PCDHGB3: variants seen among roughly 807,000 people sequenced by gnomAD.
The protein encoded by PCDHGB3 is protocadherin gamma subfamily B, 3.
In PCDHGB3, 40 loss-of-function variants were observed where a neutral mutation model predicts 59.2. The observed-to-expected ratio is 0.68, with a 90% CI of 0.52 to 0.88. PCDHGB3 has a LOEUF of 0.88. PCDHGB3 is among the 40% of genes least tolerant of loss of function. The probability of loss-of-function intolerance (pLI) is 0.00; values close to 1 mark genes in which losing one functional copy is unlikely to be tolerated. For synonymous variants in PCDHGB3, 581 were observed against 503.6 expected, an observed-to-expected ratio of 1.15 and a Z score of -2.06; for missense variants, 1,309 against 1,187.9, an observed-to-expected ratio of 1.10 and a Z score of -1.50.
In PCDHGB3 at chr5:141,372,255, C is replaced by T. The variant is rs1309371884; in HGVS notation, c.1861C>T (p.Leu621=). 3.7e-6 allele frequency: 6 copies of T among 1,613,018 alleles called. No individual in the cohort carries two copies. The East Asian group carries it at 1.1e-4, about 30-fold the overall frequency. Residue 621 remains leucine, a synonymous_variant, in exon 1 of 4, where the codon CTG becomes TTG. Coordinates refer to ENST00000576222, the MANE Select transcript of PCDHGB3 (RefSeq NM_018924.5). ...CGAGCCCGGGCTGTTCAGCCTGGGCCTGCGCACGGGTGAGGTGCGCACGGC... is the reference window on the plus strand; with the variant it reads ...CGAGCCCGGGCTGTTCAGCCTGGGCTTGCGCACGGGTGAGGTGCGCACGGC... ...ASEPGLFSLG[L]RTGEVRTART...
At chr5:141,379,481 A>G (rs969144576) in intron 1 of PCDHGB3, 6 of 152,256 alleles carry the variant, frequency 3.9e-5, no homozygotes, top group Non-Finnish European at 5.9e-5. Context: ...ATGTTATTTT[A>G]CTATACTACC....
Position 141,490,749 on chromosome 5 carries a change from C to T in PCDHGB3, c.2416-4058C>T, listed in dbSNP as rs777124697. 3.1e-6 allele frequency: 5 copies of T among 1,614,098 alleles called. No individual in the cohort carries two copies. The South Asian group carries it at 5.5e-5, about 18-fold the overall frequency. ...GAAATCAGGTTCAGGGAGCCCCAGC[C>T]TCCTCCTTTGTGTATGTCAACCCAG... On this transcript the variant is annotated intron_variant, in intron 1 of 3. Coordinates refer to ENST00000576222, the MANE Select transcript of PCDHGB3 (RefSeq NM_018924.5). The surrounding 1 kb of genome is among the most constrained non-coding windows in gnomAD (Gnocchi z 5.4).
At chr5:141,422,344 C>A in intron 1 of PCDHGB3, 1 of 1,550,890 alleles carries the variant, frequency 6.4e-7, no homozygotes, top group Non-Finnish European at 8.7e-7. Flanking sequence ...TCTAAATGTG[C>A]AAGATCAAGA....
chr5:141,382,530 G>A (rs1043069134), intron 1 of PCDHGB3, among the ~76,000 whole-genome samples: 2 of 152,150 alleles, frequency 1.3e-5, no homozygotes, highest in Non-Finnish European at 2.9e-5. Context: ...GTCTTAAAAT[G>A]GATTTTTAAT....
chr5:141,405,494 A>G, intron 1 of PCDHGB3: 1 of 840,532 alleles, frequency 1.2e-6, no homozygotes, highest in Non-Finnish European at 1.8e-6. Context: ...ATCTCGGCTC[A>G]TTGCAACCTC....
At chr5:141,410,748 C>G in intron 1 of PCDHGB3, 1 of 1,245,396 alleles carries the variant, frequency 8.0e-7, no homozygotes, top group Non-Finnish European at 1.1e-6. Flanking sequence ...AATATTTTCT[C>G]AATGTTTTTT....
intron 1 of PCDHGB3, among the ~76,000 whole-genome samples, chr5:141,470,825 C>A (rs557419577): frequency 6.6e-6 from 1 of 152,182 alleles, no homozygotes; most frequent in Admixed American, 6.5e-5. Context: ...GTAGTTAGGA[C>A]GACAAACACA....
At chr5:141,393,265 G>T (rs755014362) in intron 1 of PCDHGB3, 3 of 1,613,904 alleles carry the variant, frequency 1.9e-6, no homozygotes, top group South Asian at 1.1e-5. Flanking sequence ...CCTGGAGCAC[G>T]TTATCCACTC....
At chr5:141,414,899 G>T (rs756810046) in intron 1 of PCDHGB3, 1 of 1,614,182 alleles carries the variant, frequency 6.2e-7, no homozygotes, top group Non-Finnish European at 8.5e-7. Context: ...CCCACAGACG[G>T]TTCCACAGGC....
intron 1 of PCDHGB3, among the ~76,000 whole-genome samples, chr5:141,470,055 G>A (rs1432696943): frequency 1.3e-5 from 2 of 152,192 alleles, no homozygotes; most frequent in Non-Finnish European, 1.5e-5. Context: ...TTTGAACCCC[G>A]GAGGCAGAGA....
Position 141,505,441 on chromosome 5 carries a change from C to A in PCDHGB3, c.2523C>A (p.Asp841Glu), listed in dbSNP as rs2099846055. 6.2e-7 allele frequency: 1 copy of A among 1,614,084 alleles called. No individual in the cohort carries two copies. Among genetic ancestry groups the A allele is most frequent in the Non-Finnish European group, 8.5e-7 (1 of 1,180,024 alleles). Reference sequence around the variant, plus strand: ...GCACCTGGCCCAACAACCAGTTTGACACAGAGATGCTGCAAGCCATGATCT... The same window carrying A: ...GCACCTGGCCCAACAACCAGTTTGAAACAGAGATGCTGCAAGCCATGATCT... ...DTGTWPNNQFDTEMLQAMILA... is the reference protein window; with the variant it reads ...DTGTWPNNQFETEMLQAMILA... Residue 841 changes from aspartate to glutamate, a missense_variant, in exon 3 of 4, where the codon GAC becomes GAA. Transcript: ENST00000576222.
chr5:141,371,971 G>T lies in PCDHGB3; in HGVS notation c.1577G>T (p.Arg526Leu), dbSNP rs372239619. 1.2e-6 allele frequency: 2 copies of T among 1,612,320 alleles called. No individual in the cohort carries two copies. The highest frequency in any genetic ancestry group is 3.3e-5 in the Admixed American group (2 of 59,994). ...AQRAFDHEQLRAFELTLQARD... is the reference protein window; with the variant it reads ...AQRAFDHEQLLAFELTLQARD... The stretch of plus-strand genomic sequence containing the variant: ...CGAGCCTTCGACCACGAGCAGCTGC[G>T]TGCCTTCGAGCTCACTCTGCAGGCC... The change falls in exon 1 of 4, where the codon CGT becomes CTT. Residue 526 changes from arginine (R) to leucine (L), a missense_variant. Transcript: ENST00000576222.
In PCDHGB3 at chr5:141,370,413, T is replaced by C. The variant is rs778967972; in HGVS notation, c.19T>C (p.Trp7Arg). Residue 7 changes from tryptophan to arginine, a missense_variant, in exon 1 of 4, where the codon TGG becomes CGG. Coordinates refer to ENST00000576222, the MANE Select transcript of PCDHGB3 (RefSeq NM_018924.5). ...GAGCGGGATGGGAAATAGCTCCGGATGGAGGGGCCCAGCAGGGCAGAGGCG... is the reference window on the plus strand; with the variant it reads ...GAGCGGGATGGGAAATAGCTCCGGACGGAGGGGCCCAGCAGGGCAGAGGCG... Reference protein sequence around the residue: MGNSSGWRGPAGQRRML... With the variant: MGNSSGRRGPAGQRRML... 1.3e-6 allele frequency: 2 copies of C among 1,567,918 alleles called. No homozygotes were observed. The highest frequency in any genetic ancestry group is 2.4e-5 in the South Asian group (2 of 83,464).
intron 1 of PCDHGB3, chr5:141,376,302 T>C (rs763012052): frequency 1.2e-6 from 2 of 1,614,166 alleles, no homozygotes; most frequent in South Asian, 2.2e-5. Context: ...GGCTCGCACT[T>C]TGTGGGCGTG....
intron 1 of PCDHGB3, among the ~76,000 whole-genome samples, chr5:141,444,402 C>T (rs916833331): frequency 6.6e-6 from 1 of 151,932 alleles, no homozygotes; most frequent in African/African-American, 2.4e-5. Flanking sequence ...AACTCCCAAC[C>T]TCAGGTGATC....
In PCDHGB3 at chr5:141,511,445, A is replaced by G; in HGVS notation, c.*272A>G. ...GGTAGTGGGGTTACTGTAGACACCA[A>G]GAACCATTTGCCACACCCCGTTTAG... On this transcript the variant is annotated 3_prime_UTR_variant, in exon 4 of 4. Coordinates refer to ENST00000576222, the MANE Select transcript of PCDHGB3 (RefSeq NM_018924.5). 4.5e-6 allele frequency: 3 copies of G among 659,774 alleles called. No individual in the cohort carries two copies. Among genetic ancestry groups the G allele is most frequent in the Non-Finnish European group, 4.9e-6 (2 of 412,228 alleles). 40.9% of individuals were successfully genotyped at this position (659,774 alleles called of 1,614,324 possible). A position where few individuals can be genotyped will look rare whatever the true frequency, so the allele number is the denominator to read the frequency against.
At chr5:141,430,888 T>C (rs1447560622) in intron 1 of PCDHGB3, 5 of 1,605,402 alleles carry the variant, frequency 3.1e-6, no homozygotes, top group Admixed American at 1.7e-5. Context: ...AGAAAGGCTC[T>C]AGGGTGGGCG....
In PCDHGB3 at chr5:141,489,406, A is replaced by T; in HGVS notation, c.2416-5401A>T. 6.2e-7 allele frequency: 1 copy of T among 1,614,166 alleles called. No individual in the cohort carries two copies. Among genetic ancestry groups the T allele is most frequent in the Non-Finnish European group, 8.5e-7 (1 of 1,180,028 alleles). Reference sequence around the variant, plus strand: ...TGTTGCTCAGGATCTGGGCTTAAAGATGACAGATCTGTTGAGCCGGCGGCT... The same window carrying T: ...TGTTGCTCAGGATCTGGGCTTAAAGTTGACAGATCTGTTGAGCCGGCGGCT... On this transcript the variant is annotated intron_variant, in intron 1 of 3. Coordinates refer to ENST00000576222, the MANE Select transcript of PCDHGB3 (RefSeq NM_018924.5). This position sits in a 1 kb window ranked among gnomAD's most constrained non-coding sequence, Gnocchi z 4.5.
At chr5:141,465,337 G>GCC (rs2099101328) in intron 1 of PCDHGB3, among the ~76,000 whole-genome samples, 6 of 151,962 alleles carry the variant, frequency 3.9e-5, no homozygotes, top group Admixed American at 2.6e-4. Flanking sequence ...TTTTTATATT[G>GCC]GTTACTGAAG....
Sources: gnomAD v4.1 joint callset for allele counts (sites outside exome capture counted in the v4.1 genomes callset) on GRCh38, gnomAD v4.1.1 for gene constraint, Gnocchi (gnomAD v3.1) non-coding constraint, MANE v1.5 for transcripts, NCBI Gene and HGNC (gene_info 2026-07-23, HGNC 2026-07-21) for gene names.